The following SLC30A5 variants were observed in gnomAD, a reference collection of about 807,000 sequenced individuals.
SLC30A5 encodes proton-coupled zinc antiporter SLC30A5.
Under a neutral mutation model 79.6 loss-of-function variants are expected in SLC30A5, and 33 were observed. The ratio of observed to expected loss-of-function variants is 0.41; its 90% confidence interval spans 0.31 to 0.55. The LOEUF (loss-of-function observed/expected upper bound fraction) is 0.55. Among genes scored for constraint, SLC30A5 ranks in the 20% least tolerant of loss-of-function variants. The probability of loss-of-function intolerance (pLI) is 0.20; values close to 1 mark genes in which losing one functional copy is unlikely to be tolerated. For synonymous variants in SLC30A5, 299 were observed against 319.7 expected, an observed-to-expected ratio of 0.94 and a Z score of 0.69; for missense variants, 788 against 928.1, an observed-to-expected ratio of 0.85 and a Z score of 1.96.
chr5:69,107,463 G>C (rs568737921), intron 4 of SLC30A5, among the ~76,000 whole-genome samples: 4 of 152,182 alleles, frequency 2.6e-5, no homozygotes, highest in African/African-American at 7.2e-5. Context: ...ATAATTTATA[G>C]TATAGTAAAT....
intron 7 of SLC30A5, among the ~76,000 whole-genome samples, chr5:69,114,914 CATTTAAGTAGTTA>C (rs1316760543): frequency 2.0e-5 from 3 of 151,920 alleles, no homozygotes; most frequent in Admixed American, 6.6e-5. Flanking sequence ...CATTGCCGGC[CATTTAAGTAGTTA>C]CGTAATTGAG....
chr5:69,097,404 T>G (rs892880698), intron 1 of SLC30A5, among the ~76,000 whole-genome samples: 1 of 152,054 alleles, frequency 6.6e-6, no homozygotes, highest in Non-Finnish European at 1.5e-5. Context: ...CGTGAGCCAC[T>G]GCGCCCTGCT....
At chr5:69,126,926 TC>T (rs541370759) in intron 14 of SLC30A5, among the ~76,000 whole-genome samples, 64 of 152,062 alleles carry the variant, frequency 4.2e-4, no homozygotes, top group Non-Finnish European at 7.1e-4. Flanking sequence ...ACTTTTTGTT[TC>T]CTTCCCATTC....
intron 8 of SLC30A5, 103 bp downstream of exon 8, chr5:69,115,510 G>A (rs1746343310): frequency 1.1e-6 from 1 of 941,898 alleles, no homozygotes; most frequent in Non-Finnish European, 1.5e-6. Context: ...TTAATTTGAG[G>A]TTGAAAGTGG....
At chr5:69,096,200 A>C (rs73119214) in intron 1 of SLC30A5, among the ~76,000 whole-genome samples, 2,734 of 152,350 alleles carry the variant, frequency 0.018, 81 homozygotes, top group African/African-American at 0.061. Flanking sequence ...ACTCTCAAAT[A>C]GTCCAGGGGA....
intron 10 of SLC30A5, 80 bp from the exon 11 acceptor site, chr5:69,117,159 T>C: frequency 9.0e-7 from 1 of 1,110,828 alleles, no homozygotes. Context: ...CAAGTAAATT[T>C]GGATAATTAA....
At chr5:69,104,027 G>A in intron 3 of SLC30A5, 1 of 1,566,662 alleles carries the variant, frequency 6.4e-7, no homozygotes, top group South Asian at 1.2e-5. Context: ...ATGATCCTAG[G>A]AAACTAGTGG....
chr5:69,103,991 A>G lies in SLC30A5; in HGVS notation c.274-640A>G, dbSNP rs150222992. ...TTGGATCACTAAAAATTCCTGGTAGAAAAGAATTTAAAGACAAAAAGTTAA... is the reference window on the plus strand; with the variant it reads ...TTGGATCACTAAAAATTCCTGGTAGGAAAGAATTTAAAGACAAAAAGTTAA... On this transcript the variant is annotated intron_variant, in intron 3 of 15. Transcript: ENST00000396591. The G allele has an allele frequency of 2.7e-4, 425 of 1,567,918 alleles. 2 individuals carry two copies. The African/African-American group carries it at 5.3e-3, about 20-fold the overall frequency.
chr5:69,110,464 T>C (rs964583947), intron 5 of SLC30A5, among the ~76,000 whole-genome samples: 2 of 152,346 alleles, frequency 1.3e-5, no homozygotes, highest in Middle Eastern at 3.4e-3. Flanking sequence ...ACTCTGCCTG[T>C]AGATTTCAAA....
intron 1 of SLC30A5, among the ~76,000 whole-genome samples, chr5:69,097,705 ATTC>A (rs951883336): frequency 1.3e-5 from 2 of 151,902 alleles, no homozygotes; most frequent in African/African-American, 4.8e-5. Flanking sequence ...TGCCCAGTTC[ATTC>A]TTTAATTTTT....
intron 7 of SLC30A5, 65 bp from the exon 8 acceptor site, chr5:69,115,168 TCATG>T: frequency 2.9e-6 from 2 of 699,964 alleles, no homozygotes; most frequent in Non-Finnish European, 4.5e-6. Context: ...AAAAAAAAGA[TCATG>T]TATTTAACGA....
Position 69,124,100 on chromosome 5 carries a change from G to A in SLC30A5, c.1998+675G>A, listed in dbSNP as rs190422628. On this transcript the variant is annotated intron_variant, in intron 14 of 15. Coordinates refer to ENST00000396591, the MANE Select transcript of SLC30A5 (RefSeq NM_022902.5). ...TACACTTCAGCCTGGGTGACAGAGC[G>A]AGACTCCACCTCAAAAAAAAAAAAA... Among the ~76,000 whole-genome samples the A allele has an allele frequency of 8.8e-4, 98 of 111,006 alleles. 2 individuals carry two copies. The highest frequency in any genetic ancestry group is 3.3e-3 in the African/African-American group (83 of 25,096). 72.8% of individuals were successfully genotyped at this position (111,006 alleles called of 152,430 possible). A position where few individuals can be genotyped will look rare whatever the true frequency, so the allele number is the denominator to read the frequency against.
rs372657952 is a variant in SLC30A5, at chr5:69,124,667, C to T, written c.1998+1242C>T. On this transcript the variant is annotated intron_variant, in intron 14 of 15. Transcript: ENST00000396591. ...CCCAGCTCACTGCAACCTCCACCTC[C>T]CGGGTTCAAGCGATTCTCCTGCCTC... Among the ~76,000 whole-genome samples, 506 of 152,264 alleles carry T rather than the reference C, an allele frequency of 3.3e-3. 3 individuals are homozygous for T. Among genetic ancestry groups the T allele is most frequent in the African/African-American group, 0.011 (477 of 41,548 alleles).
Position 69,107,669 on chromosome 5 carries a change from G to A in SLC30A5, c.360-680G>A, listed in dbSNP as rs565388011. On this transcript the variant is annotated intron_variant, in intron 4 of 15. Coordinates refer to ENST00000396591, the MANE Select transcript of SLC30A5 (RefSeq NM_022902.5). ...ATTATAATCTTATGGCACCACCATC[G>A]TATATATGTGGTCTACCATTGACCA... Among the ~76,000 whole-genome samples, 13 of 151,446 alleles carry A rather than the reference G, an allele frequency of 8.6e-5. No individual in the cohort carries two copies. In the South Asian group the frequency reaches 1.0e-3, roughly 12 times the overall value.
At chr5:69,118,724 G>A (rs997825850) in intron 12 of SLC30A5, 96 bp downstream of exon 12, 3 of 1,057,966 alleles carry the variant, frequency 2.8e-6, no homozygotes, top group African/African-American at 1.7e-5. Flanking sequence ...GCTCTAAGAA[G>A]GTTTTATTTT....
intron 14 of SLC30A5, among the ~76,000 whole-genome samples, chr5:69,126,024 T>C (rs1330198106): frequency 1.3e-5 from 2 of 151,822 alleles, no homozygotes; most frequent in Non-Finnish European, 2.9e-5. Context: ...TACTCCAGCC[T>C]GGGCAACAGA....
intron 1 of SLC30A5, among the ~76,000 whole-genome samples, chr5:69,096,181 A>G (rs970358899): frequency 6.6e-6 from 1 of 152,264 alleles, no homozygotes; most frequent in African/African-American, 2.4e-5. Flanking sequence ...AGCATGAAGT[A>G]TGTAACTTAC....
intron 5 of SLC30A5, among the ~76,000 whole-genome samples, chr5:69,112,221 C>A (rs754863114): frequency 6.6e-6 from 1 of 151,686 alleles, no homozygotes; most frequent in Non-Finnish European, 1.5e-5. Context: ...CACTTGAACC[C>A]GGGAGATGGA....
Position 69,115,541 on chromosome 5 carries a change from T to C in SLC30A5, c.783+134T>C, listed in dbSNP as rs1024589365. 7 of 730,960 alleles carry C rather than the reference T, an allele frequency of 9.6e-6. No homozygotes were observed. In the Admixed American group the frequency reaches 1.0e-4, roughly 11 times the overall value. The allele number at this position is 730,960 out of a possible 1,614,324, so 45.3% of individuals were successfully genotyped here. A position where few individuals can be genotyped will look rare whatever the true frequency, so the allele number is the denominator to read the frequency against. ...AGTGGCTTAAATTGTCTTTGCTTTT[T>C]CTTTGTAGTTTTTTAAAAAAAATTT... On this transcript the variant is annotated intron_variant, in intron 8 of 15. Coordinates refer to ENST00000396591, the MANE Select transcript of SLC30A5 (RefSeq NM_022902.5).
Sources: allele counts gnomAD v4.1 joint callset (sites outside exome capture counted in the v4.1 genomes callset), GRCh38; gene constraint gnomAD v4.1.1; transcripts MANE v1.5; gene names NCBI Gene and HGNC (gene_info 2026-07-23, HGNC 2026-07-21).